The following BRCA2 variants were observed in gnomAD, a reference collection of about 807,000 sequenced individuals.
BRCA2 encodes BRCA2 DNA repair associated.
Under a neutral mutation model 276.7 loss-of-function variants are expected in BRCA2, and 203 were observed. The observed-to-expected ratio is 0.73, with a 90% CI of 0.65 to 0.82. The LOEUF is 0.82. BRCA2 is among the 40% of genes least tolerant of loss of function. BRCA2 has a pLI of 0.00. For synonymous variants in BRCA2, 1,289 were observed against 1,338.4 expected, an observed-to-expected ratio of 0.96 and a Z score of 0.81; for missense variants, 3,920 against 3,915.0, an observed-to-expected ratio of 1.00 and a Z score of -0.03.
At chr13:32,381,607 T>A (rs1370540085) in intron 24 of BRCA2, among the ~76,000 whole-genome samples, 1 of 152,012 alleles carries the variant, frequency 6.6e-6, no homozygotes, top group Non-Finnish European at 1.5e-5. Flanking sequence ...AGAAGTAACA[T>A]CCAGGGACAG....
intron 16 of BRCA2, 40 bp from the exon 17 acceptor site, chr13:32,362,483 A>T (rs9590939): frequency 1.3e-6 from 2 of 1,567,874 alleles, no homozygotes; most frequent in Admixed American, 3.3e-5. Flanking sequence ...GTATCATCCT[A>T]TGTGGTTTTT....
chr13:32,363,556 T>TA, intron 18 of BRCA2, 23 bp downstream of exon 18: 1 of 1,586,844 alleles, frequency 6.3e-7, no homozygotes, highest in Non-Finnish European at 8.7e-7. Context: ...GCACTCTTGG[T>TA]AAAAATCAGT....
rs80358834 is a variant in BRCA2 at position 32,340,342 on chromosome 13, C to T, written c.5987C>T (p.Ala1996Val). 6.2e-7 allele frequency: 1 copy of T among 1,613,972 alleles called. No homozygotes were observed. The highest frequency in any genetic ancestry group is 8.5e-7 in the Non-Finnish European group (1 of 1,179,928). The change falls in exon 11 of 27, where the codon GCA becomes GTA. Residue 1996 changes from alanine (A) to valine (V), a missense_variant. Transcript: ENST00000380152. ...GTATCAGATGCTTCATTACAAAACG[C>T]AAGACAAGTGTTTTCTGAAATAGAA... ...VQVSDASLQNARQVFSEIEDS... is the reference protein window; with the variant it reads ...VQVSDASLQNVRQVFSEIEDS...
chr13:32,339,686 G>A lies in BRCA2; in HGVS notation c.5331G>A (p.Lys1777=), dbSNP rs2137516424. The A allele has an allele frequency of 6.2e-7, 1 of 1,612,576 alleles. No individual in the cohort carries two copies. Among genetic ancestry groups the A allele is most frequent in the Non-Finnish European group, 8.5e-7 (1 of 1,178,792 alleles). The change falls in exon 11 of 27, where the codon AAG becomes AAA. Residue 1777 remains lysine (K), a synonymous_variant. Coordinates refer to ENST00000380152, the MANE Select transcript of BRCA2 (RefSeq NM_000059.4). ...ATTCTGGTATTGAGCCAGTATTGAA[G>A]AATGTTGAAGATCAAAAAAACACTA... ...KLDSGIEPVL[K]NVEDQKNTSF...
intron 18 of BRCA2, among the ~76,000 whole-genome samples, chr13:32,367,961 T>C (rs557370828): frequency 6.7e-6 from 1 of 148,420 alleles, no homozygotes; most frequent in Admixed American, 6.7e-5. Flanking sequence ...AATATAACCA[T>C]TTCGCAACCC....
chr13:32,330,904 C>T lies in BRCA2; in HGVS notation c.682-15C>T, dbSNP rs864622084. 3 of 1,500,404 alleles carry T rather than the reference C, an allele frequency of 2.0e-6. No individual in the cohort carries two copies. The highest frequency in any genetic ancestry group is 2.8e-6 in the Non-Finnish European group (3 of 1,078,608). The allele number at this position is 1,500,404 out of a possible 1,614,324, so 92.9% of individuals were successfully genotyped here. On this transcript the variant is annotated splice_polypyrimidine_tract_variant and intron_variant, in intron 8 of 26. Transcript: ENST00000380152. ...GAGTTTTTATACTAGTGATTTTAAA[C>T]TATAATTTTTGCAGAATGTGAAAAG... is the stretch of plus-strand genomic sequence containing the variant.
Position 32,337,930 on chromosome 13 carries a change from T to G in BRCA2, c.3575T>G (p.Phe1192Cys), listed in dbSNP as rs80358606. 3.0e-5 allele frequency: 48 copies of G among 1,613,934 alleles called. No homozygotes were observed. The Admixed American group carries it at 8.0e-4, about 27-fold the overall frequency. The change falls in exon 11 of 27, where the codon TTT becomes TGT. Residue 1192 changes from phenylalanine to cysteine, a missense_variant. Physicochemically the swap from Phe to Cys is radical, Grantham distance 205. This residue lies in a region of BRCA2 where 3,263 missense variants were observed against 3,156.9 expected (regional missense o/e 1.03). Transcript: ENST00000380152. ...GGTACAGTTGAAATTAAACGGAAGT[T>G]TGCTGGCCTGTTGAAAAATGACTGT... ...FEGTVEIKRK[F>C]AGLLKNDCNK...
chr13:32,324,514 T>A (rs964103431), intron 3 of BRCA2, among the ~76,000 whole-genome samples: 1 of 152,228 alleles, frequency 6.6e-6, no homozygotes, highest in Non-Finnish European at 1.5e-5. Context: ...GCCTTCATAC[T>A]ATGGAGTTTG....
chr13:32,336,801 G>A lies in BRCA2; in HGVS notation c.2446G>A (p.Glu816Lys), dbSNP rs730881514. 6.2e-7 allele frequency: 1 copy of A among 1,607,342 alleles called. No homozygotes were observed. Among genetic ancestry groups the A allele is most frequent in the Admixed American group, 1.7e-5 (1 of 58,556 alleles). The change falls in exon 11 of 27, where the codon GAA (glutamate) becomes AAA (lysine). Residue 816 changes from glutamate to lysine, a missense_variant. This residue lies in a region of BRCA2 where 3,263 missense variants were observed against 3,156.9 expected (regional missense o/e 1.03). Coordinates refer to ENST00000380152, the MANE Select transcript of BRCA2 (RefSeq NM_000059.4). Reference sequence around the variant, plus strand: ...TGAATTAACCAAAAATATTCCCATGGAAAAGAATCAAGATGTATGTGCTTT... The same window carrying A: ...TGAATTAACCAAAAATATTCCCATGAAAAAGAATCAAGATGTATGTGCTTT... ...DVELTKNIPM[E>K]KNQDVCALNE...
rs533430336 is a variant in BRCA2, at chr13:32,395,235, G to A, written c.9501+302G>A. On this transcript the variant is annotated intron_variant, in intron 25 of 26. Transcript: ENST00000380152. The stretch of plus-strand genomic sequence containing the variant: ...ACAAGAATAATATGAGTTATCTGTG[G>A]TTTGCAGCAGTCAGCAGTGTGATTA... 2.6e-5 allele frequency among the ~76,000 whole-genome samples: 4 copies of A among 152,294 alleles called. No homozygotes were observed. In the South Asian group the frequency reaches 8.3e-4, roughly 32 times the overall value.
chr13:32,363,648 A>G, intron 18 of BRCA2, 115 bp downstream of exon 18: 1 of 981,582 alleles, frequency 1.0e-6, no homozygotes, highest in Non-Finnish European at 1.5e-6. Context: ...AGATGTACTG[A>G]TAATTTTAGT....
rs730881591 is a variant in BRCA2 at position 32,340,055 on chromosome 13, A to G, written c.5700A>G (p.Ser1900=). The change falls in exon 11 of 27, where the codon TCA becomes TCG. Residue 1900 remains serine (S), a synonymous_variant. Transcript: ENST00000380152. ...MAGCYEALDD[S]EDILHNSLDN... is the part of the protein sequence containing the mutation. ...GTTGTTACGAGGCATTGGATGATTC[A>G]GAGGATATTCTTCATAACTCTCTAG... 1 of 1,613,806 alleles carries G rather than the reference A, an allele frequency of 6.2e-7. No homozygotes were observed. Among genetic ancestry groups the G allele is most frequent in the Non-Finnish European group, 8.5e-7 (1 of 1,179,850 alleles).
In BRCA2 at chr13:32,339,751, C is replaced by T. The variant is rs770450108; in HGVS notation, c.5396C>T (p.Ala1799Val). Residue 1799 changes from alanine (A) to valine (V), a missense_variant, in exon 11 of 27, where the codon GCA becomes GTA. Around this residue, in one of 2 missense-constraint regions of BRCA2, gnomAD observed 3,263 missense variants for 3,156.9 expected, o/e 1.03. Transcript: ENST00000380152. The part of the protein sequence containing the change: ...KVISNVKDAN[A>V]YPQTVNEDIC... ...ATATCCAATGTAAAAGATGCAAATGCATACCCACAAACTGTAAATGAAGAT... is the reference window on the plus strand; with the variant it reads ...ATATCCAATGTAAAAGATGCAAATGTATACCCACAAACTGTAAATGAAGAT... The T allele has an allele frequency of 3.1e-6, 5 of 1,613,722 alleles. No homozygotes were observed. In the Admixed American group the frequency reaches 6.7e-5, roughly 22 times the overall value.
chr13:32,337,669 C>T lies in BRCA2; in HGVS notation c.3314C>T (p.Pro1105Leu). ...QDFNSNHNLT[P>L]SQKAEITELS... ...TTTAATTCAAACCATAATTTAACAC[C>T]TAGCCAAAAGGCAGAAATTACAGAA... Residue 1105 changes from proline to leucine, a missense_variant, in exon 11 of 27, where the codon CCT becomes CTT. Physicochemically the swap from Pro to Leu is moderately conservative, Grantham distance 98. Transcript: ENST00000380152. 6.3e-7 allele frequency: 1 copy of T among 1,595,840 alleles called. No individual in the cohort carries two copies.
chr13:32,383,496 A>AT (rs1175751829), intron 24 of BRCA2, among the ~76,000 whole-genome samples: 1 of 152,196 alleles, frequency 6.6e-6, no homozygotes, highest in Non-Finnish European at 1.5e-5. Flanking sequence ...ATGTTCATGA[A>AT]TATATTGTTG....
At chr13:32,333,638 A>G (rs1208654262) in intron 10 of BRCA2, among the ~76,000 whole-genome samples, 2 of 152,156 alleles carry the variant, frequency 1.3e-5, no homozygotes. Context: ...TCCGGGGTAC[A>G]TGTGCAGGAT....
At chr13:32,319,409 T>C in intron 3 of BRCA2, 84 bp downstream of exon 3, 1 of 1,359,224 alleles carries the variant, frequency 7.4e-7, no homozygotes. Flanking sequence ...GCTCATTCAT[T>C]AATTGTGTCA....
Position 32,376,708 on chromosome 13 carries a change from A to G in BRCA2, c.8671A>G (p.Thr2891Ala), listed in dbSNP as rs2137612680. Residue 2891 changes from threonine to alanine, a missense_variant, in exon 21 of 27, where the codon ACA (threonine) becomes GCA (alanine). Transcript: ENST00000380152. ...ACCATATTTACCATCACGTGCACTA[A>G]CAAGACAGCAAGTTCGTGCTTTGCA... ...TKPYLPSRAL[T>A]RQQVRALQDG... 1.2e-6 allele frequency: 2 copies of G among 1,614,142 alleles called. No individual in the cohort carries two copies. The highest frequency in any genetic ancestry group is 1.1e-5 in the South Asian group (1 of 91,078).
intron 20 of BRCA2, among the ~76,000 whole-genome samples, chr13:32,375,181 G>A (rs746112487): frequency 2.0e-5 from 3 of 152,210 alleles, no homozygotes; most frequent in African/African-American, 4.8e-5. Context: ...CCCTCGACAC[G>A]TGAGGATTAC....
Sources: allele counts gnomAD v4.1 joint callset (sites outside exome capture counted in the v4.1 genomes callset), GRCh38; gene constraint gnomAD v4.1.1; regional missense constraint gnomAD v4.1.1; transcripts MANE v1.5; gene names NCBI Gene and HGNC (gene_info 2026-07-23, HGNC 2026-07-21).